The following WDR88 variants were observed in gnomAD, a reference collection of about 807,000 sequenced individuals.
The protein encoded by WDR88 is WD repeat domain 88.
A neutral mutation model predicts 46.8 loss-of-function variants in WDR88; 40 were observed. That is an observed-to-expected ratio of 0.86 (90% confidence interval 0.66 to 1.11). WDR88 has a LOEUF of 1.11. WDR88 is among the 50% of genes most tolerant of loss of function. WDR88 has a pLI of 0.00. For synonymous variants in WDR88, 235 were observed against 240.7 expected, an observed-to-expected ratio of 0.98 and a Z score of 0.22; for missense variants, 562 against 602.4, an observed-to-expected ratio of 0.93 and a Z score of 0.70.
chr19:33,171,498 C>T (rs1397322445), intron 9 of WDR88, among the ~76,000 whole-genome samples: 1 of 152,094 alleles, frequency 6.6e-6, no homozygotes, highest in Admixed American at 6.6e-5. Context: ...AGAAATGTAA[C>T]ATACTCAATG....
intron 3 of WDR88, among the ~76,000 whole-genome samples, chr19:33,147,071 AAG>A (rs557493647): frequency 1.3e-5 from 2 of 150,264 alleles, no homozygotes; most frequent in Non-Finnish European, 3.0e-5. Context: ...AAAAAAAAAA[AAG>A]AGAGAGAGAA....
chr19:33,173,975 C>G (rs1163589376), intron 10 of WDR88, among the ~76,000 whole-genome samples: 1 of 152,152 alleles, frequency 6.6e-6, no homozygotes, highest in African/African-American at 2.4e-5. Flanking sequence ...CTCAGCCTCC[C>G]GAGTAGCTGG....
intron 9 of WDR88, among the ~76,000 whole-genome samples, chr19:33,166,954 A>T (rs1055543159): frequency 2.0e-5 from 3 of 152,180 alleles, no homozygotes; most frequent in African/African-American, 7.2e-5. Context: ...TATATTATAT[A>T]TTCTTAAGAT....
rs534917510 is a variant in WDR88, at chr19:33,171,001, T to C, written c.1150-1347T>C. Among the ~76,000 whole-genome samples the C allele has an allele frequency of 1.8e-4, 27 of 152,312 alleles. No individual in the cohort carries two copies. In the South Asian group the frequency reaches 5.6e-3, roughly 32 times the overall value. On this transcript the variant is annotated intron_variant, in intron 9 of 10. Transcript: ENST00000355868. ...TAAAAAATATTATTATTATTATTTTTTTGAGACAGAGTCTCGCTCTGTCAC... is the reference window on the plus strand; with the variant it reads ...TAAAAAATATTATTATTATTATTTTCTTGAGACAGAGTCTCGCTCTGTCAC...
At chr19:33,158,141 G>C (rs557310222) in intron 7 of WDR88, among the ~76,000 whole-genome samples, 38 of 152,234 alleles carry the variant, frequency 2.5e-4, no homozygotes, top group Non-Finnish European at 5.1e-4. Context: ...TGACACTCAG[G>C]AGCCAAACAT....
At position 33,147,704 on chromosome 19, in the gene WDR88, T is replaced by G; in HGVS notation, c.536T>G (p.Leu179Arg). 1 of 1,613,868 alleles carries G rather than the reference T, an allele frequency of 6.2e-7. No homozygotes were observed. The highest frequency in any genetic ancestry group is 8.5e-7 in the Non-Finnish European group (1 of 1,179,836). Residue 179 changes from leucine (L) to arginine (R), a missense_variant, in exon 4 of 11, where the codon CTG (leucine) becomes CGG (arginine). Leu to Arg is a moderately radical substitution (Grantham distance 102). Coordinates refer to ENST00000355868, the MANE Select transcript of WDR88 (RefSeq NM_173479.4). ...VRAWDLETGK[L>R]LWKVRYDTFI... ...GCCTGGGACCTGGAGACAGGCAAGCTGCTGGTACGTATGCCTGTCCAGTGG... is the reference window on the plus strand; with the variant it reads ...GCCTGGGACCTGGAGACAGGCAAGCGGCTGGTACGTATGCCTGTCCAGTGG...
At position 33,156,384 on chromosome 19, in the gene WDR88, G is replaced by A; in HGVS notation, c.839G>A (p.Cys280Tyr). Residue 280 changes from cysteine (C) to tyrosine (Y), a missense_variant, in exon 7 of 11, where the codon TGT becomes TAT. Coordinates refer to ENST00000355868, the MANE Select transcript of WDR88 (RefSeq NM_173479.4). ...KAHSNAISNC[C>Y]FTFSGHFLCT... ...CATTCCAATGCAATCTCAAACTGCT[G>A]TTTTACCTTCAGTGGCCATTTCCTG... The A allele has an allele frequency of 6.2e-7, 1 of 1,614,140 alleles. No individual in the cohort carries two copies. Among genetic ancestry groups the A allele is most frequent in the Non-Finnish European group, 8.5e-7 (1 of 1,180,036 alleles).
chr19:33,172,658 G>A (rs1014735001), intron 10 of WDR88, among the ~76,000 whole-genome samples: 2 of 152,144 alleles, frequency 1.3e-5, no homozygotes, highest in African/African-American at 4.8e-5. Context: ...GTAATTGACA[G>A]AAAAATACAT....
chr19:33,133,181 A>G (rs996901502), intron 1 of WDR88, among the ~76,000 whole-genome samples: 1 of 110,104 alleles, frequency 9.1e-6, no homozygotes, highest in African/African-American at 3.6e-5. Flanking sequence ...ATAAATAAAT[A>G]AATAAATAAA....
chr19:33,166,384 G>C (rs1390541714), intron 9 of WDR88, among the ~76,000 whole-genome samples: 1 of 151,684 alleles, frequency 6.6e-6, no homozygotes, highest in Non-Finnish European at 1.5e-5. Context: ...GAGCTCAGGA[G>C]TTTGAGACCA....
intron 9 of WDR88, among the ~76,000 whole-genome samples, chr19:33,167,868 C>G (rs763586215): frequency 2.6e-5 from 4 of 151,948 alleles, no homozygotes; most frequent in Non-Finnish European, 4.4e-5. Flanking sequence ...TCACTGCAAC[C>G]TCCATCTCCT....
At chr19:33,134,104 G>C (rs1002578178) in intron 1 of WDR88, among the ~76,000 whole-genome samples, 2 of 152,198 alleles carry the variant, frequency 1.3e-5, no homozygotes, top group South Asian at 2.1e-4. Context: ...CTCTGCATGA[G>C]CTTTGTCAGC....
At chr19:33,143,011 C>T (rs902402445) in intron 2 of WDR88, among the ~76,000 whole-genome samples, 1 of 151,496 alleles carries the variant, frequency 6.6e-6, no homozygotes, top group African/African-American at 2.4e-5. Context: ...CTCTCAGTCA[C>T]CCCAGAGGAT....
chr19:33,134,590 G>A lies in WDR88; in HGVS notation c.276+2145G>A, dbSNP rs1027207860. Among the ~76,000 whole-genome samples, 31 of 151,956 alleles carry A rather than the reference G, an allele frequency of 2.0e-4. 1 individual carries two copies. The highest frequency in any genetic ancestry group is 2.4e-4 in the Non-Finnish European group (16 of 67,926). On this transcript the variant is annotated intron_variant, in intron 1 of 10. Coordinates refer to ENST00000355868, the MANE Select transcript of WDR88 (RefSeq NM_173479.4). ...CAGGGGCTGGGGTCGCCAGAGGCGG[G>A]GGCGGTGCGGGAGGGCCGCGCAGGT...
chr19:33,167,561 T>C (rs1314917172), intron 9 of WDR88, among the ~76,000 whole-genome samples: 6 of 152,148 alleles, frequency 3.9e-5, no homozygotes, highest in African/African-American at 7.2e-5. Flanking sequence ...CTGGAAGTGC[T>C]AGCCGGAGCT....
rs774361061 is a variant in WDR88, at chr19:33,175,545, G to T, written c.1392G>T (p.Pro464=). 1.2e-6 allele frequency: 2 copies of T among 1,614,192 alleles called. No individual in the cohort carries two copies. The highest frequency in any genetic ancestry group is 1.7e-6 in the Non-Finnish European group (2 of 1,180,028). ...SSSSSERENS[P]PPRGSKDD is the part of the protein sequence containing the mutation. ...CATCATCGGAAAGGGAGAACTCACC[G>T]CCGCCAAGGGGAAGCAAGGATGACT... The change falls in exon 11 of 11, where the codon CCG becomes CCT. Residue 464 remains proline (P), a synonymous_variant. Transcript: ENST00000355868.
intron 1 of WDR88, 38 bp from the exon 2 acceptor site, chr19:33,137,639 G>A: frequency 6.5e-7 from 1 of 1,529,282 alleles, no homozygotes; most frequent in Non-Finnish European, 9.0e-7. Flanking sequence ...TTTGTGTCCT[G>A]CAACATGTTT....
intron 6 of WDR88, among the ~76,000 whole-genome samples, chr19:33,152,256 C>T (rs115972641): frequency 2.0e-3 from 289 of 141,112 alleles, no homozygotes; most frequent in African/African-American, 8.3e-3. Flanking sequence ...TATATATACA[C>T]GCACACAACA....
At chr19:33,153,544 C>A (rs1485475556) in intron 6 of WDR88, among the ~76,000 whole-genome samples, 1 of 152,052 alleles carries the variant, frequency 6.6e-6, no homozygotes, top group East Asian at 1.9e-4. Context: ...TCAGCTATAT[C>A]ATTTGCAGGG....
Sources: allele counts gnomAD v4.1 joint callset (sites outside exome capture counted in the v4.1 genomes callset), GRCh38; gene constraint gnomAD v4.1.1; transcripts MANE v1.5; gene names NCBI Gene and HGNC (gene_info 2026-07-23, HGNC 2026-07-21).